ATP6V0E1: variants seen among roughly 807,000 people sequenced by gnomAD.
ATP6V0E1 encodes the protein ATPase H+ transporting V0 subunit e1.
A neutral mutation model predicts 11.6 loss-of-function variants in ATP6V0E1; 4 were observed. The ratio of observed to expected loss-of-function variants is 0.35; its 90% CI spans 0.17 to 0.79. ATP6V0E1 has a LOEUF of 0.79. Ranked by LOEUF, ATP6V0E1 falls within the 30% of genes least tolerant of loss-of-function variation. ATP6V0E1 has a pLI of 0.54. For missense variants in ATP6V0E1, 105 were observed against 100.0 expected, an observed-to-expected ratio of 1.05 and a Z score of -0.21; for synonymous variants, 36 against 34.8, an observed-to-expected ratio of 1.04 and a Z score of -0.13.
chr5:173,009,480 G>A, intron 2 of ATP6V0E1, among the ~76,000 whole-genome samples: 1 of 24,048 alleles, frequency 4.2e-5, no homozygotes, highest in African/African-American at 1.7e-4. Flanking sequence ...TTTTTTTTTT[G>A]AGACAGAGTC....
chr5:173,027,611 G>GGTTTTTGTTTTT (rs966410176), intron 3 of ATP6V0E1, among the ~76,000 whole-genome samples: 1 of 151,698 alleles, frequency 6.6e-6, no homozygotes, highest in Non-Finnish European at 1.5e-5. Flanking sequence ...CGTACGTGTG[G>GGTTTTTGTTTTT]GTTTTTGTTT....
intron 3 of ATP6V0E1, among the ~76,000 whole-genome samples, chr5:173,031,590 G>A (rs895247907): frequency 2.6e-5 from 4 of 151,738 alleles, no homozygotes; most frequent in East Asian, 2.0e-4. Context: ...AGGCCAAGGC[G>A]CGCGGATCAC....
At position 173,020,225 on chromosome 5, in the gene ATP6V0E1, A is replaced by G. The variant is rs769559368; in HGVS notation, c.153-13A>G. On this transcript the variant is annotated splice_polypyrimidine_tract_variant and intron_variant, in intron 2 of 3. Transcript: ENST00000519374. ...TTCACCGCTTCGTTGTTTCTCTCCC[A>G]TCCTTCTTTTAGTTGGCTGATTGCA... 1.2e-6 allele frequency: 2 copies of G among 1,604,470 alleles called. No homozygotes were observed. The highest frequency in any genetic ancestry group is 1.3e-5 in the African/African-American group (1 of 74,830).
At chr5:173,024,089 T>C (rs1189787984) in intron 3 of ATP6V0E1, among the ~76,000 whole-genome samples, 1 of 151,192 alleles carries the variant, frequency 6.6e-6, no homozygotes, top group Non-Finnish European at 1.5e-5. Flanking sequence ...TCCCAGCGAC[T>C]TGGGAAGCTG....
intron 3 of ATP6V0E1, among the ~76,000 whole-genome samples, chr5:173,024,120 C>T (rs1581636007): frequency 1.3e-5 from 2 of 151,046 alleles, no homozygotes; most frequent in Admixed American, 1.3e-4. Context: ...ATGGCATGAA[C>T]CCAGGAGGTG....
At chr5:173,008,443 G>T (rs1226972569) in intron 2 of ATP6V0E1, among the ~76,000 whole-genome samples, 1 of 150,522 alleles carries the variant, frequency 6.6e-6, no homozygotes, top group Non-Finnish European at 1.5e-5. Flanking sequence ...TGGGACTACA[G>T]GTGCGTGCCA....
chr5:173,014,321 C>G (rs959552474), intron 2 of ATP6V0E1, among the ~76,000 whole-genome samples: 6 of 152,022 alleles, frequency 3.9e-5, no homozygotes, highest in African/African-American at 1.4e-4. Flanking sequence ...TTTCAAAAAA[C>G]TAAAAATAGA....
intron 3 of ATP6V0E1, among the ~76,000 whole-genome samples, chr5:173,034,012 G>A (rs1756703671): frequency 6.6e-6 from 1 of 152,208 alleles, no homozygotes; most frequent in Admixed American, 6.5e-5. Flanking sequence ...CTCCCCAGGA[G>A]CCTGGCCCCA....
intron 3 of ATP6V0E1, among the ~76,000 whole-genome samples, chr5:173,024,096 G>A (rs1470164352): frequency 6.6e-6 from 1 of 151,292 alleles, no homozygotes; most frequent in South Asian, 2.1e-4. Context: ...GACTTGGGAA[G>A]CTGAGGTAGG....
intron 3 of ATP6V0E1, among the ~76,000 whole-genome samples, chr5:173,024,642 G>T (rs1260117533): frequency 6.6e-6 from 1 of 152,080 alleles, no homozygotes; most frequent in Admixed American, 6.6e-5. Flanking sequence ...AGTGGAAATG[G>T]CATTTAAGAA....
intron 3 of ATP6V0E1, among the ~76,000 whole-genome samples, chr5:173,026,616 A>G (rs558051677): frequency 6.6e-6 from 1 of 152,318 alleles, no homozygotes; most frequent in Admixed American, 6.5e-5. Flanking sequence ...TGAACAATAT[A>G]TGCTAGAGAT....
chr5:173,034,326 T>C, intron 3 of ATP6V0E1, 73 bp from the exon 4 acceptor site: 2 of 697,534 alleles, frequency 2.9e-6, no homozygotes, highest in South Asian at 3.0e-5. Context: ...CTTGGTTAAC[T>C]TTCTCGATGT....
In ATP6V0E1 at chr5:172,994,822, TGTAA is replaced by T. The variant is rs1030523481; in HGVS notation, c.152+5_152+8del. On this transcript the variant is annotated splice_donor_variant and splice_donor_region_variant and intron_variant, in intron 2 of 3. Transcript: ENST00000519374. LOFTEE classifies it high-confidence loss of function. ...ACCTGTTCAGTTTGCTGCTATCTCT[TGTAA>T]GTAATTTTTTCTTAAGTAATTATTC... is the stretch of plus-strand genomic sequence containing the variant. 1.1e-5 allele frequency: 18 copies of T among 1,599,984 alleles called. No homozygotes were observed. Among genetic ancestry groups the T allele is most frequent in the African/African-American group, 5.4e-5 (4 of 74,232 alleles).
chr5:173,017,840 CAAAAAAAAAAA>C (rs538210275), intron 2 of ATP6V0E1, among the ~76,000 whole-genome samples: 2 of 66,574 alleles, frequency 3.0e-5, no homozygotes, highest in Admixed American at 3.6e-4. Flanking sequence ...GACTCCTTCT[CAAAAAAAAAAA>C]AAAAAAAAAG....
chr5:173,002,837 C>T (rs1756178865), intron 2 of ATP6V0E1, among the ~76,000 whole-genome samples: 1 of 151,216 alleles, frequency 6.6e-6, no homozygotes. Flanking sequence ...AGGAATCAGC[C>T]ATAGGGAAAT....
chr5:172,989,813 G>C (rs1213530352), intron 1 of ATP6V0E1, among the ~76,000 whole-genome samples: 1 of 151,690 alleles, frequency 6.6e-6, no homozygotes, highest in Admixed American at 6.6e-5. Context: ...CAGGAGTTGG[G>C]CACCATGCCC....
At chr5:173,027,178 CAAAAAAAA>C (rs1158447516) in intron 3 of ATP6V0E1, among the ~76,000 whole-genome samples, 923 of 26,046 alleles carry the variant, frequency 0.035, 16 homozygotes, top group African/African-American at 0.12. Flanking sequence ...GACTCCGTCT[CAAAAAAAA>C]AAAAAAAAAA....
At position 173,034,499 on chromosome 5, in the gene ATP6V0E1, A is replaced by G; in HGVS notation, c.*137A>G. On this transcript the variant is annotated 3_prime_UTR_variant, in exon 4 of 4. Transcript: ENST00000519374. ...GCCATTAGCTGCCTTAAACGTTAAC[A>G]GCACATTTGAATGCCTTATTCTACA... The G allele has an allele frequency of 1.4e-6, 1 of 700,084 alleles. No individual in the cohort carries two copies. The highest frequency in any genetic ancestry group is 2.6e-6 in the Non-Finnish European group (1 of 382,542). The allele number at this position is 700,084 out of a possible 1,614,324, so 43.4% of individuals were successfully genotyped here. A position where few individuals can be genotyped will look rare whatever the true frequency, so the allele number is the denominator to read the frequency against.
At chr5:173,024,085 C>T (rs748443097) in intron 3 of ATP6V0E1, among the ~76,000 whole-genome samples, 6 of 150,386 alleles carry the variant, frequency 4.0e-5, no homozygotes, top group African/African-American at 1.2e-4. Flanking sequence ...GTAGTCCCAG[C>T]GACTTGGGAA....
Sources: gnomAD v4.1 joint callset for allele counts (sites outside exome capture counted in the v4.1 genomes callset) on GRCh38, gnomAD v4.1.1 for gene constraint, MANE v1.5 for transcripts, NCBI Gene and HGNC (gene_info 2026-07-23, HGNC 2026-07-21) for gene names.